The following TMEM140 variants were observed in gnomAD, a reference collection of about 807,000 sequenced individuals.
TMEM140 encodes transmembrane protein 140.
For synonymous variants in TMEM140, 107 were observed against 106.8 expected (o/e 1.00, Z -0.01); for missense variants, 236 against 228.5 (o/e 1.03, Z -0.21).
At chr7:135,149,078 G>A (rs1393772339) in intron 1 of TMEM140, among the ~76,000 whole-genome samples, 1 of 152,140 alleles carries the variant, frequency 6.6e-6, no homozygotes, top group Non-Finnish European at 1.5e-5. Context: ...CTCAGTCCAT[G>A]AGATATTTTT....
chr7:135,157,765 G>A (rs1425998061), intron 1 of TMEM140, among the ~76,000 whole-genome samples: 1 of 152,214 alleles, frequency 6.6e-6, no homozygotes, highest in Non-Finnish European at 1.5e-5. Flanking sequence ...AGGGTGGTGG[G>A]CACTGTTCTA....
intron 1 of TMEM140, 23 bp downstream of exon 1, chr7:135,148,293 T>A (rs1829590060): frequency 5.6e-6 from 2 of 356,268 alleles, no homozygotes; most frequent in African/African-American, 2.1e-5. Context: ...CCTGCAAGCA[T>A]CACAGCTTAC....
chr7:135,150,912 T>G (rs934267466), intron 1 of TMEM140, among the ~76,000 whole-genome samples: 3 of 152,220 alleles, frequency 2.0e-5, no homozygotes, highest in Middle Eastern at 3.2e-3. Context: ...TTTAAGGATT[T>G]TCTTCTCCCT....
At chr7:135,158,206 A>C (rs1483399728) in intron 1 of TMEM140, among the ~76,000 whole-genome samples, 1 of 151,914 alleles carries the variant, frequency 6.6e-6, no homozygotes, top group Non-Finnish European at 1.5e-5. Context: ...AGCATGGGCA[A>C]GAAGCTGTAG....
chr7:135,150,073 C>CT (rs1704674656), intron 1 of TMEM140, among the ~76,000 whole-genome samples: 1 of 152,038 alleles, frequency 6.6e-6, no homozygotes, highest in African/African-American at 2.4e-5. Context: ...CAAATATATC[C>CT]TTTTTTCCAG....
chr7:135,159,435 G>A (rs1454239684), intron 1 of TMEM140, among the ~76,000 whole-genome samples: 1 of 152,178 alleles, frequency 6.6e-6, no homozygotes. Flanking sequence ...CAACAAAAAA[G>A]CTGCCTTAAA....
Position 135,161,330 on chromosome 7 carries a change from T to G in TMEM140, c.-24-3088T>G, listed in dbSNP as rs1371407863. On this transcript the variant is annotated intron_variant, in intron 1 of 1. Coordinates refer to ENST00000275767, the MANE Select transcript of TMEM140 (RefSeq NM_018295.5). This position sits in a 1 kb window ranked among gnomAD's most constrained non-coding sequence, Gnocchi z 4.1. The stretch of plus-strand genomic sequence containing the variant: ...AGGCAGCTGTTTTCAAAGCAAAACG[T>G]TTAATAATTTTTTTTGGAACCCCAG... Among the ~76,000 whole-genome samples the G allele has an allele frequency of 6.6e-6, 1 of 152,116 alleles. No homozygotes were observed. Among genetic ancestry groups the G allele is most frequent in the Non-Finnish European group, 1.5e-5 (1 of 68,010 alleles).
rs1176200203 is a variant in TMEM140 at position 135,164,584 on chromosome 7, G to A, written c.143G>A (p.Gly48Asp). 2 of 1,614,112 alleles carry A rather than the reference G, an allele frequency of 1.2e-6. No individual in the cohort carries two copies. Among genetic ancestry groups the A allele is most frequent in the Non-Finnish European group, 1.7e-6 (2 of 1,180,040 alleles). ...ACTGACCTGCCCAACCTGAGAATCG[G>A]CTTCTATAACTTCTGCCTGTGGAAT... ...NLTDLPNLRI[G>D]FYNFCLWNED... The change falls in exon 2 of 2, where the codon GGC becomes GAC. Residue 48 changes from glycine to aspartate, a missense_variant. Physicochemically the swap from Gly to Asp is moderately conservative, Grantham distance 94. Coordinates refer to ENST00000275767, the MANE Select transcript of TMEM140 (RefSeq NM_018295.5).
At chr7:135,154,930 G>A (rs1829752800) in intron 1 of TMEM140, among the ~76,000 whole-genome samples, 1 of 152,164 alleles carries the variant, frequency 6.6e-6, no homozygotes, top group East Asian at 1.9e-4. Context: ...AGTGTTGTGA[G>A]TGGAGTGTTA....
At chr7:135,163,384 G>C (rs1418799858) in intron 1 of TMEM140, among the ~76,000 whole-genome samples, 1 of 152,162 alleles carries the variant, frequency 6.6e-6, no homozygotes, top group East Asian at 1.9e-4. Context: ...GCTCATGCCT[G>C]TAATCCCAGC....
intron 1 of TMEM140, among the ~76,000 whole-genome samples, chr7:135,163,726 T>C (rs1466065547): frequency 6.6e-6 from 1 of 152,232 alleles, no homozygotes; most frequent in Admixed American, 6.5e-5. Context: ...TATTAGTTTT[T>C]AAAGTAATGA....
Position 135,164,558 on chromosome 7 carries a change from C to A in TMEM140, c.117C>A (p.Leu39=), listed in dbSNP as rs1347651737. The change falls in exon 2 of 2, where the codon CTC becomes CTA. Residue 39 remains leucine (L), a synonymous_variant. Coordinates refer to ENST00000275767, the MANE Select transcript of TMEM140 (RefSeq NM_018295.5). The part of the protein sequence containing the change: ...FYALLWEAGN[L]TDLPNLRIGF... ...CTCTTCTCTGGGAGGCTGGCAACCTCACTGACCTGCCCAACCTGAGAATCG... is the reference window on the plus strand; with the variant it reads ...CTCTTCTCTGGGAGGCTGGCAACCTAACTGACCTGCCCAACCTGAGAATCG... 6.2e-7 allele frequency: 1 copy of A among 1,614,114 alleles called. No individual in the cohort carries two copies. The highest frequency in any genetic ancestry group is 1.7e-5 in the Admixed American group (1 of 60,016).
rs980589592 is a variant in TMEM140, at chr7:135,148,099, G to A, written c.-196G>A. The A allele has an allele frequency of 2.2e-6, 1 of 456,122 alleles. No individual in the cohort carries two copies. 28.3% of individuals were successfully genotyped at this position (456,122 alleles called of 1,614,324 possible). On this transcript the variant is annotated 5_prime_UTR_variant, in exon 1 of 2. Transcript: ENST00000275767. ...AGAGCTGTTTACTAGGCACGACTGC[G>A]AAGGCAAGGGGGCACCAGCTCAGGA...
Position 135,165,148 on chromosome 7 carries a change from G to A in TMEM140, c.*149G>A, listed in dbSNP as rs11972838. On this transcript the variant is annotated 3_prime_UTR_variant, in exon 2 of 2. Transcript: ENST00000275767. ...GTGGGGCCCCTGTGTCAAAGAGGCC[G>A]AGGGGCAGCAAGGGCAGCCAGGGCA... The A allele has an allele frequency of 1.0e-3, 958 of 919,612 alleles. 7 individuals carry two copies. In the African/African-American group the frequency reaches 0.013, roughly 13 times the overall value. 57.0% of individuals were successfully genotyped at this position (919,612 alleles called of 1,614,324 possible). A position where few individuals can be genotyped will look rare whatever the true frequency, so the allele number is the denominator to read the frequency against.
At chr7:135,149,197 T>A (rs1829613538) in intron 1 of TMEM140, among the ~76,000 whole-genome samples, 1 of 152,326 alleles carries the variant, frequency 6.6e-6, no homozygotes, top group Admixed American at 6.5e-5. Flanking sequence ...TCTTTTTTTT[T>A]CATAAATGTA....
intron 1 of TMEM140, among the ~76,000 whole-genome samples, chr7:135,163,571 G>T (rs1346100311): frequency 6.6e-6 from 1 of 152,192 alleles, no homozygotes; most frequent in Non-Finnish European, 1.5e-5. Context: ...CTTGACCCCG[G>T]GAGGCAGAGA....
Position 135,151,111 on chromosome 7 carries a change from A to C in TMEM140, c.-25+2841A>C, listed in dbSNP as rs553907315. ...TGTTATAATCTCATGGTATAGTCCT[A>C]TTTTGTCTGATAAAGCTGTTTTATT... is the stretch of plus-strand genomic sequence containing the variant. On this transcript the variant is annotated intron_variant, in intron 1 of 1. Coordinates refer to ENST00000275767, the MANE Select transcript of TMEM140 (RefSeq NM_018295.5). The surrounding 1 kb of genome is among the most constrained non-coding windows in gnomAD (Gnocchi z 4.3). 6.6e-6 allele frequency among the ~76,000 whole-genome samples: 1 copy of C among 152,276 alleles called. No homozygotes were observed. The highest frequency in any genetic ancestry group is 1.9e-4 in the East Asian group (1 of 5,188).
intron 1 of TMEM140, chr7:135,153,136 T>A (rs1829703584): frequency 6.6e-6 from 1 of 152,028 alleles, no homozygotes; most frequent in African/African-American, 2.4e-5. Context: ...TGAGATACTA[T>A]CTTACACCAG....
At position 135,160,063 on chromosome 7, in the gene TMEM140, C is replaced by T. The variant is rs572414683; in HGVS notation, c.-24-4355C>T. Among the ~76,000 whole-genome samples, 6 of 152,272 alleles carry T rather than the reference C, an allele frequency of 3.9e-5. No homozygotes were observed. In the South Asian group the frequency reaches 1.0e-3, roughly 26 times the overall value. Reference sequence around the variant, plus strand: ...ATATGCAGCCCTTAATGTTTAGGAACCATTTCTAGTTCACATAGAATGATG... The same window carrying T: ...ATATGCAGCCCTTAATGTTTAGGAATCATTTCTAGTTCACATAGAATGATG... On this transcript the variant is annotated intron_variant, in intron 1 of 1. Transcript: ENST00000275767.
Sources: allele counts gnomAD v4.1 joint callset (sites outside exome capture counted in the v4.1 genomes callset), GRCh38; gene constraint gnomAD v4.1.1; non-coding constraint Gnocchi (gnomAD v3.1); transcripts MANE v1.5; gene names NCBI Gene and HGNC (gene_info 2026-07-23, HGNC 2026-07-21).